The following AOC1 variants were observed in gnomAD, a reference collection of about 807,000 sequenced individuals.
AOC1 encodes amine oxidase copper containing 1, also known as diamine oxidase [copper-containing].
A neutral mutation model predicts 57.1 loss-of-function variants in AOC1; 58 were observed. The observed-to-expected ratio is 1.02, with a 90% CI of 0.82 to 1.26. AOC1 has a LOEUF of 1.26. Among genes scored for constraint, AOC1 ranks in the 50% most tolerant of loss-of-function variants. The probability of loss-of-function intolerance (pLI) is 0.00; values close to 1 mark genes in which losing one functional copy is unlikely to be tolerated. For synonymous variants in AOC1, 401 were observed against 423.4 expected (o/e 0.95, Z 0.65); for missense variants, 917 against 1,005.3 (o/e 0.91, Z 1.19).
rs1236160350 is a variant in AOC1, at chr7:150,857,277, G to A, written c.807G>A (p.Gly269=). 6.8e-6 allele frequency: 11 copies of A among 1,608,118 alleles called. No individual in the cohort carries two copies. In the Admixed American group the frequency reaches 8.4e-5, roughly 12 times the overall value. The change falls in exon 2 of 5, where the codon GGG becomes GGA. Residue 269 remains glycine (G), a synonymous_variant. Transcript: ENST00000360937. This position sits in a 1 kb window ranked among gnomAD's most constrained non-coding sequence, Gnocchi z 6.6. ...TGGTCCTGGAGGACCCGCTGCCTGGGGGCAAGGGGCATGACAGCACAGAGG... is the reference window on the plus strand; with the variant it reads ...TGGTCCTGGAGGACCCGCTGCCTGGAGGCAAGGGGCATGACAGCACAGAGG... ...DVVVLEDPLP[G]GKGHDSTEEP...
intron 1 of AOC1, among the ~76,000 whole-genome samples, chr7:150,853,345 G>A (rs1584794597): frequency 6.6e-6 from 1 of 152,206 alleles, no homozygotes; most frequent in African/African-American, 2.4e-5. Flanking sequence ...GGCTGCGTGT[G>A]TAGGGGCTGT....
chr7:150,854,656 T>G (rs572297641), intron 1 of AOC1, among the ~76,000 whole-genome samples: 24 of 152,314 alleles, frequency 1.6e-4, no homozygotes, highest in African/African-American at 5.5e-4. Context: ...GGCCTCTAGT[T>G]AACACATGGG....
At chr7:150,858,298 G>A (rs1584802233) in intron 2 of AOC1, among the ~76,000 whole-genome samples, 3 of 152,296 alleles carry the variant, frequency 2.0e-5, no homozygotes, top group South Asian at 4.1e-4. Context: ...GGGAGGGGAC[G>A]GTGCCTATGA....
chr7:150,861,349 C>A lies in AOC1; in HGVS notation c.*140C>A. 2 of 938,982 alleles carry A rather than the reference C, an allele frequency of 2.1e-6. No homozygotes were observed. The highest frequency in any genetic ancestry group is 3.0e-6 in the Non-Finnish European group (2 of 666,450). 58.2% of individuals were successfully genotyped at this position (938,982 alleles called of 1,614,324 possible). ...GCCATGTGTGTAGGAAACACACGAA[C>A]AGACGTGCACACACACAGACGTGCA... On this transcript the variant is annotated 3_prime_UTR_variant, in exon 5 of 5. Transcript: ENST00000360937. The surrounding 1 kb of genome is among the most constrained non-coding windows in gnomAD (Gnocchi z 4.5).
rs752177004 is a variant in AOC1, at chr7:150,857,358, T to C, written c.888T>C (p.His296=). ...GCGGGGACTTCCCCAGCCCCATCCA[T>C]GTGAGCGGCCCCCGCTTGGTCCAGC... ...KPRGDFPSPI[H]VSGPRLVQPH... is the part of the protein sequence containing the mutation. The change falls in exon 2 of 5, where the codon CAT becomes CAC. Residue 296 remains histidine (H), a synonymous_variant. Coordinates refer to ENST00000360937, the MANE Select transcript of AOC1 (RefSeq NM_001091.4). This position sits in a 1 kb window ranked among gnomAD's most constrained non-coding sequence, Gnocchi z 6.6. 1.9e-6 allele frequency: 3 copies of C among 1,606,498 alleles called. No individual in the cohort carries two copies. Among genetic ancestry groups the C allele is most frequent in the Admixed American group, 1.7e-5 (1 of 59,736 alleles).
Position 150,859,240 on chromosome 7 carries a change from A to G in AOC1, c.1856+192A>G, listed in dbSNP as rs188207937. 1.1e-4 allele frequency among the ~76,000 whole-genome samples: 17 copies of G among 152,240 alleles called. 1 individual carries two copies. The highest frequency in any genetic ancestry group is 2.1e-4 in the South Asian group (1 of 4,826). ...GGGGTGCCAACCCCCCAAAGCAGTA[A>G]AGAAGCCAAGTGTAACTATGACTCC... On this transcript the variant is annotated intron_variant, in intron 3 of 4. Transcript: ENST00000360937.
rs772407213 is a variant in AOC1 at position 150,857,202 on chromosome 7, G to A, written c.732G>A (p.Gly244=). Residue 244 remains glycine (G), a synonymous_variant, in exon 2 of 5, where the codon GGG becomes GGA. Coordinates refer to ENST00000360937, the MANE Select transcript of AOC1 (RefSeq NM_001091.4). The surrounding 1 kb of genome is among the most constrained non-coding windows in gnomAD (Gnocchi z 6.6). ...EQVWYNGKFY[G]SPEELARKYA... The stretch of plus-strand genomic sequence containing the variant: ...TGTGGTACAACGGGAAGTTCTATGG[G>A]AGCCCAGAGGAACTGGCTCGGAAGT... 6 of 1,613,136 alleles carry A rather than the reference G, an allele frequency of 3.7e-6. No homozygotes were observed. Among genetic ancestry groups the A allele is most frequent in the Non-Finnish European group, 5.1e-6 (6 of 1,179,468 alleles).
rs1360445853 is a variant in AOC1, at chr7:150,857,030, T to C, written c.560T>C (p.Val187Ala). The C allele has an allele frequency of 1.2e-6, 2 of 1,614,150 alleles. No homozygotes were observed. Among genetic ancestry groups the C allele is most frequent in the East Asian group, 2.2e-5 (1 of 44,878 alleles). Residue 187 changes from valine to alanine, a missense_variant, in exon 2 of 5, where the codon GTG becomes GCG. By Grantham distance (64) the Val-to-Ala change is moderately conservative. Transcript: ENST00000360937. The surrounding 1 kb of genome is among the most constrained non-coding windows in gnomAD (Gnocchi z 6.6). ...GACAGATGCCTGGCCTTCACCGATGTGGCCCCCCGGGGTGTGGCTTCTGGC... is the reference window on the plus strand; with the variant it reads ...GACAGATGCCTGGCCTTCACCGATGCGGCCCCCCGGGGTGTGGCTTCTGGC... Reference protein sequence around the residue: ...CHDRCLAFTDVAPRGVASGQR... With the variant: ...CHDRCLAFTDAAPRGVASGQR...
rs565750754 is a variant in AOC1, at chr7:150,861,353, C to A, written c.*144C>A. On this transcript the variant is annotated 3_prime_UTR_variant, in exon 5 of 5. Transcript: ENST00000360937. The surrounding 1 kb of genome is among the most constrained non-coding windows in gnomAD (Gnocchi z 4.5). ...TGTGTGTAGGAAACACACGAACAGA[C>A]GTGCACACACACAGACGTGCACACA... The A allele has an allele frequency of 2.5e-5, 22 of 896,712 alleles. No individual in the cohort carries two copies. In the African/African-American group the frequency reaches 5.5e-4, roughly 22 times the overall value. The allele number at this position is 896,712 out of a possible 1,614,324, so 55.5% of individuals were successfully genotyped here.
rs774594483 is a variant in AOC1 at position 150,861,310 on chromosome 7, C to T, written c.*101C>T. ...GCCTCGCTCTGTGTGCTGCTTCTTG[C>T]GGGGAGGCACAGGGCCATGTGTGTA... is the stretch of plus-strand genomic sequence containing the variant. On this transcript the variant is annotated 3_prime_UTR_variant, in exon 5 of 5. Coordinates refer to ENST00000360937, the MANE Select transcript of AOC1 (RefSeq NM_001091.4). The surrounding 1 kb of genome is among the most constrained non-coding windows in gnomAD (Gnocchi z 4.5). The T allele has an allele frequency of 6.4e-5, 87 of 1,358,352 alleles. No individual in the cohort carries two copies. Among genetic ancestry groups the T allele is most frequent in the Non-Finnish European group, 8.2e-5 (83 of 1,013,388 alleles). The allele number at this position is 1,358,352 out of a possible 1,614,324, so 84.1% of individuals were successfully genotyped here.
chr7:150,855,966 TCAGA>T (rs1253790969), intron 1 of AOC1, among the ~76,000 whole-genome samples: 1 of 152,136 alleles, frequency 6.6e-6, no homozygotes, highest in Non-Finnish European at 1.5e-5. Flanking sequence ...GGGACTTGAC[TCAGA>T]CAGCCTGACT....
At chr7:150,859,740 A>T (rs980308477) in intron 3 of AOC1, 1 of 153,914 alleles carries the variant, frequency 6.5e-6, no homozygotes, top group Non-Finnish European at 1.5e-5. Flanking sequence ...AAAAGAAAAT[A>T]TATCTACAAT....
rs1456245672 is a variant in AOC1 at position 150,860,871 on chromosome 7, A to G, written c.1990-72A>G. ...AAGTTTCCAGGCAGAACTGAAAATGACCAAAGGCTAGAGTGGCCTCCAGTG... is the reference window on the plus strand; with the variant it reads ...AAGTTTCCAGGCAGAACTGAAAATGGCCAAAGGCTAGAGTGGCCTCCAGTG... On this transcript the variant is annotated intron_variant, in intron 4 of 4. Transcript: ENST00000360937. 22 of 1,531,528 alleles carry G rather than the reference A, an allele frequency of 1.4e-5. No homozygotes were observed. In the East Asian group the frequency reaches 3.4e-4, roughly 24 times the overall value. The allele number at this position is 1,531,528 out of a possible 1,614,324, so 94.9% of individuals were successfully genotyped here.
In AOC1 at chr7:150,855,945, C is replaced by T. The variant is rs1799755389; in HGVS notation, c.-16-510C>T. On this transcript the variant is annotated intron_variant, in intron 1 of 4. Transcript: ENST00000360937. The stretch of plus-strand genomic sequence containing the variant: ...AAGGCCACACAGCAAGTCCTAGTGG[C>T]ATGAGTCACTGGGACTTGACTCAGA... Among the ~76,000 whole-genome samples the T allele has an allele frequency of 4.6e-5, 7 of 151,676 alleles. No homozygotes were observed. The South Asian group carries it at 1.5e-3, about 31-fold the overall frequency.
At chr7:150,859,441 C>G (rs148084734) in intron 3 of AOC1, among the ~76,000 whole-genome samples, 2,719 of 152,188 alleles carry the variant, frequency 0.018, 48 homozygotes, top group Non-Finnish European at 0.024. Context: ...CGGTGGCTCA[C>G]GCCTGTAATC....
In AOC1 at chr7:150,861,356, GCACACACACAGACGTGCACA is replaced by G. The variant is rs1443304231; in HGVS notation, c.*156_*175del. 1.3e-6 allele frequency: 1 copy of G among 778,116 alleles called. No homozygotes were observed. Among genetic ancestry groups the G allele is most frequent in the Non-Finnish European group, 2.0e-6 (1 of 507,550 alleles). 48.2% of individuals were successfully genotyped at this position (778,116 alleles called of 1,614,324 possible). A position where few individuals can be genotyped will look rare whatever the true frequency, so the allele number is the denominator to read the frequency against. ...GTGTAGGAAACACACGAACAGACGT[GCACACACACAGACGTGCACA>G]CACACACAGACATGCACACACACAC... On this transcript the variant is annotated 3_prime_UTR_variant, in exon 5 of 5. Transcript: ENST00000360937. The surrounding 1 kb of genome is among the most constrained non-coding windows in gnomAD (Gnocchi z 4.5).
In AOC1 at chr7:150,856,983, C is replaced by T; in HGVS notation, c.513C>T (p.Gly171=). 1 of 1,614,218 alleles carries T rather than the reference C, an allele frequency of 6.2e-7. No individual in the cohort carries two copies. Among genetic ancestry groups the T allele is most frequent in the Non-Finnish European group, 8.5e-7 (1 of 1,180,010 alleles). ...PLHQFFLNTT[G]FSFQDCHDRC... ...ATCAGTTCTTCCTCAATACCACAGGCTTCTCATTCCAAGACTGCCATGACA... is the reference window on the plus strand; with the variant it reads ...ATCAGTTCTTCCTCAATACCACAGGTTTCTCATTCCAAGACTGCCATGACA... The change falls in exon 2 of 5, where the codon GGC becomes GGT. Residue 171 remains glycine, a synonymous_variant. Transcript: ENST00000360937. The surrounding 1 kb of genome is among the most constrained non-coding windows in gnomAD (Gnocchi z 5.2).
chr7:150,859,108 GTGTC>G, intron 3 of AOC1, 60 bp downstream of exon 3: 2 of 1,451,144 alleles, frequency 1.4e-6, no homozygotes, highest in Admixed American at 5.2e-5. Flanking sequence ...GTGTGTGTCT[GTGTC>G]TGTCTGTGTT....
rs774729023 is a variant in AOC1 at position 150,861,238 on chromosome 7, CCCAGGAAG to C, written c.*32_*39del. 6 of 1,536,634 alleles carry C rather than the reference CCCAGGAAG, an allele frequency of 3.9e-6. No homozygotes were observed. The highest frequency in any genetic ancestry group is 1.8e-6 in the Non-Finnish European group (2 of 1,136,258). ...GCCCCCAGTTCCTCCCCCAGTTCCTCCCAGGAAGCCCAGGAGCCTCACTGGGGCAGACA... is the reference window on the plus strand; with the variant it reads ...GCCCCCAGTTCCTCCCCCAGTTCCTCCCCAGGAGCCTCACTGGGGCAGACA... On this transcript the variant is annotated 3_prime_UTR_variant, in exon 5 of 5. Transcript: ENST00000360937. The surrounding 1 kb of genome is among the most constrained non-coding windows in gnomAD (Gnocchi z 4.5).
Sources: allele counts gnomAD v4.1 joint callset (sites outside exome capture counted in the v4.1 genomes callset), GRCh38; gene constraint gnomAD v4.1.1; non-coding constraint Gnocchi (gnomAD v3.1); transcripts MANE v1.5; gene names NCBI Gene and HGNC (gene_info 2026-07-23, HGNC 2026-07-21).